Variants in CLEC16A observed in about 807,000 individuals in gnomAD.
The protein encoded by CLEC16A is protein CLEC16A.
Under a neutral mutation model 109.5 loss-of-function variants are expected in CLEC16A, and 51 were observed. That is an observed-to-expected ratio of 0.47 (90% confidence interval 0.37 to 0.59). The LOEUF is 0.59. Among genes scored for constraint, CLEC16A ranks in the 20% least tolerant of loss-of-function variants. CLEC16A has a pLI of 0.00. For missense variants in CLEC16A, 1,339 were observed against 1,394.0 expected (o/e 0.96, Z 0.63); for synonymous variants, 673 against 564.2 (o/e 1.19, Z -2.73).
At chr16:11,030,206 G>C (rs1567217835) in intron 13 of CLEC16A, among the ~76,000 whole-genome samples, 1 of 152,210 alleles carries the variant, frequency 6.6e-6, no homozygotes, top group Non-Finnish European at 1.5e-5. Context: ...CCCATACAAT[G>C]TATGCCCATA....
At chr16:11,155,326 C>T (rs529188392) in intron 22 of CLEC16A, among the ~76,000 whole-genome samples, 4 of 152,290 alleles carry the variant, frequency 2.6e-5, no homozygotes, top group South Asian at 4.2e-4. Context: ...GACACAGGCT[C>T]GTGGGGTGAA....
intron 2 of CLEC16A, among the ~76,000 whole-genome samples, chr16:10,960,648 A>G (rs1045155056): frequency 3.3e-5 from 5 of 152,196 alleles, no homozygotes; most frequent in Middle Eastern, 6.8e-3. Flanking sequence ...CGTTTTCATG[A>G]TGAGGGGGTG....
intron 4 of CLEC16A, among the ~76,000 whole-genome samples, chr16:10,969,805 C>A (rs2042694542): frequency 6.6e-6 from 1 of 152,186 alleles, no homozygotes; most frequent in African/African-American, 2.4e-5. Flanking sequence ...TGCTGTGTCA[C>A]CTTAAGGAAG....
intron 10 of CLEC16A, among the ~76,000 whole-genome samples, chr16:10,987,226 A>G (rs1039338347): frequency 6.6e-5 from 10 of 152,082 alleles, no homozygotes; most frequent in Non-Finnish European, 1.2e-4. Context: ...GTTGTAACAG[A>G]TAATACAGAG....
intron 13 of CLEC16A, among the ~76,000 whole-genome samples, chr16:11,026,041 G>C (rs574962076): frequency 3.3e-5 from 5 of 152,328 alleles, no homozygotes; most frequent in African/African-American, 1.2e-4. Context: ...CACATCCATA[G>C]AGAACTGCCA....
intron 23 of CLEC16A, among the ~76,000 whole-genome samples, chr16:11,172,417 C>A (rs528471520): frequency 6.6e-6 from 1 of 152,306 alleles, no homozygotes; most frequent in South Asian, 2.1e-4. Flanking sequence ...TTAAATAGCC[C>A]ACTCACACCT....
intron 20 of CLEC16A, among the ~76,000 whole-genome samples, chr16:11,122,896 CTTTTTTTT>C (rs1002354410): frequency 1.4e-5 from 1 of 73,772 alleles, no homozygotes; most frequent in Non-Finnish European, 2.4e-5. Flanking sequence ...CTATCCCTTT[CTTTTTTTT>C]TTTTTTTTTT....
At chr16:11,091,334 TGAA>T (rs2050292648) in intron 19 of CLEC16A, among the ~76,000 whole-genome samples, 1 of 152,236 alleles carries the variant, frequency 6.6e-6, no homozygotes, top group Non-Finnish European at 1.5e-5. Flanking sequence ...GGCCACTTGA[TGAA>T]GAAGCCTTAC....
In CLEC16A at chr16:11,174,664, G is replaced by A. The variant is rs938590012; in HGVS notation, c.2807-3671G>A. On this transcript the variant is annotated intron_variant, in intron 23 of 23. Coordinates refer to ENST00000409790, the MANE Select transcript of CLEC16A (RefSeq NM_015226.3). This position sits in a 1 kb window ranked among gnomAD's most constrained non-coding sequence, Gnocchi z 4.7. Reference sequence around the variant, plus strand: ...CCCCCCAGTTTAGGCCATGGGGGTTGGGCGGCAGTTGGCTGGCAAAGTGAG... The same window carrying A: ...CCCCCCAGTTTAGGCCATGGGGGTTAGGCGGCAGTTGGCTGGCAAAGTGAG... Among the ~76,000 whole-genome samples the A allele has an allele frequency of 6.6e-6, 1 of 152,270 alleles. No homozygotes were observed. The highest frequency in any genetic ancestry group is 2.4e-5 in the African/African-American group (1 of 41,474).
At chr16:10,962,871 A>G (rs573222301) in intron 3 of CLEC16A, among the ~76,000 whole-genome samples, 2 of 152,152 alleles carry the variant, frequency 1.3e-5, no homozygotes, top group Non-Finnish European at 2.9e-5. Flanking sequence ...CAGCCTGGAC[A>G]ACAAGGTGAA....
chr16:11,114,896 C>T (rs554982456), intron 19 of CLEC16A, among the ~76,000 whole-genome samples: 4 of 152,364 alleles, frequency 2.6e-5, no homozygotes, highest in East Asian at 3.9e-4. Flanking sequence ...GCGAGAGCTC[C>T]CTCCCTGGGA....
At chr16:10,963,664 C>T (rs1382629025) in intron 3 of CLEC16A, among the ~76,000 whole-genome samples, 10 of 152,194 alleles carry the variant, frequency 6.6e-5, no homozygotes, top group Non-Finnish European at 1.0e-4. Flanking sequence ...GCCTCAGTTT[C>T]GTCATCCGTA....
At chr16:11,114,179 T>TGTGTGTGTG (rs2051808548) in intron 19 of CLEC16A, among the ~76,000 whole-genome samples, 2 of 98,816 alleles carry the variant, frequency 2.0e-5, no homozygotes, top group African/African-American at 4.4e-5. Context: ...GTGTGTGTGT[T>TGTGTGTGTG]TATTGGCAAT....
chr16:10,985,846 C>T (rs916725579), intron 10 of CLEC16A, among the ~76,000 whole-genome samples: 1 of 123,796 alleles, frequency 8.1e-6, no homozygotes, highest in African/African-American at 3.0e-5. Flanking sequence ...GCTGGGATTA[C>T]AGGCATGTGC....
chr16:11,050,288 C>T (rs574384274), intron 17 of CLEC16A, among the ~76,000 whole-genome samples: 8 of 152,220 alleles, frequency 5.3e-5, no homozygotes, highest in Admixed American at 3.3e-4. Context: ...CCTCTCAGCA[C>T]TGTCACACTG....
chr16:11,100,232 T>C (rs1377819244), intron 19 of CLEC16A, among the ~76,000 whole-genome samples: 21 of 152,128 alleles, frequency 1.4e-4, no homozygotes, highest in South Asian at 6.2e-4. Flanking sequence ...ACTCAGCAAT[T>C]TGGAGCCTGG....
At chr16:11,097,370 C>G (rs1162540219) in intron 19 of CLEC16A, among the ~76,000 whole-genome samples, 1 of 152,198 alleles carries the variant, frequency 6.6e-6, no homozygotes, top group Admixed American at 6.5e-5. Flanking sequence ...TGACAGGTTT[C>G]TTTCTCTGTG....
At chr16:11,172,013 CACTT>C (rs1009383672) in intron 23 of CLEC16A, among the ~76,000 whole-genome samples, 7 of 152,142 alleles carry the variant, frequency 4.6e-5, no homozygotes, top group East Asian at 1.9e-4. Context: ...CACACACTCA[CACTT>C]ACAAATGTGC....
At chr16:11,129,987 C>A (rs2053093541) in intron 22 of CLEC16A, among the ~76,000 whole-genome samples, 1 of 152,196 alleles carries the variant, frequency 6.6e-6, no homozygotes, top group South Asian at 2.1e-4. Context: ...TGGTCTCGAT[C>A]TCCTGACATT....
Sources: gnomAD v4.1 joint callset for allele counts (sites outside exome capture counted in the v4.1 genomes callset) on GRCh38, gnomAD v4.1.1 for gene constraint, Gnocchi (gnomAD v3.1) non-coding constraint, MANE v1.5 for transcripts, NCBI Gene and HGNC (gene_info 2026-07-23, HGNC 2026-07-21) for gene names.